Variants in LIN7A observed in about 807,000 individuals in gnomAD.
LIN7A encodes lin-7 cell polarity scaffold A.
In LIN7A, 25 loss-of-function variants were observed where a neutral mutation model predicts 29.8. That is an observed-to-expected ratio of 0.84 (90% CI 0.61 to 1.17). The LOEUF is 1.17. Ranked by LOEUF, LIN7A falls within the 50% of genes most tolerant of loss-of-function variation. The pLI, the probability that LIN7A is intolerant of heterozygous loss-of-function variation, is 0.00. For synonymous variants in LIN7A, 118 were observed against 107.5 expected (o/e 1.10, Z -0.60); for missense variants, 239 against 287.0 (o/e 0.83, Z 1.21).
At chr12:80,871,407 T>C (rs1055871244) in intron 2 of LIN7A, among the ~76,000 whole-genome samples, 1 of 152,170 alleles carries the variant, frequency 6.6e-6, no homozygotes, top group Non-Finnish European at 1.5e-5. Context: ...ATTTCTCTAT[T>C]AGGAAAGCAA....
chr12:80,882,930 A>G (rs1165312015), intron 2 of LIN7A, among the ~76,000 whole-genome samples: 2 of 152,172 alleles, frequency 1.3e-5, no homozygotes, highest in Non-Finnish European at 2.9e-5. Flanking sequence ...AGATTACAAA[A>G]TGATGTGGTC....
At chr12:80,816,763 G>A (rs1189201790) in intron 4 of LIN7A, among the ~76,000 whole-genome samples, 1 of 151,646 alleles carries the variant, frequency 6.6e-6, no homozygotes, top group East Asian at 1.9e-4. Flanking sequence ...ATGAACCAAG[G>A]TTTTCTTTGC....
intron 2 of LIN7A, among the ~76,000 whole-genome samples, chr12:80,883,191 C>T (rs1875155321): frequency 6.6e-6 from 1 of 151,924 alleles, no homozygotes; most frequent in Non-Finnish European, 1.5e-5. Flanking sequence ...CCTCTTTCTC[C>T]TATTATCCTT....
intron 1 of LIN7A, among the ~76,000 whole-genome samples, chr12:80,918,688 T>C (rs1161280873): frequency 6.6e-6 from 1 of 152,230 alleles, no homozygotes. Flanking sequence ...TTGATATTTG[T>C]AATGGAAGAG....
chr12:80,832,477 T>C, intron 4 of LIN7A: 1 of 461,362 alleles, frequency 2.2e-6, no homozygotes, highest in Admixed American at 2.6e-5. Context: ...CTGGTGCTCC[T>C]CCACACAGAA....
At chr12:80,827,155 A>G (rs1872118498) in intron 4 of LIN7A, among the ~76,000 whole-genome samples, 1 of 152,134 alleles carries the variant, frequency 6.6e-6, no homozygotes, top group Admixed American at 6.6e-5. Context: ...TGAGAGGCCA[A>G]GGTGAGCAGA....
intron 1 of LIN7A, among the ~76,000 whole-genome samples, chr12:80,899,917 G>A (rs1191206034): frequency 1.3e-5 from 2 of 151,480 alleles, no homozygotes; most frequent in Admixed American, 1.3e-4. Flanking sequence ...ACAGGCGCCC[G>A]CCACAATGCC....
At position 80,796,846 on chromosome 12, in the gene LIN7A, A is replaced by T. The variant is rs1166292186; in HGVS notation, c.*881T>A. On this transcript the variant is annotated 3_prime_UTR_variant, in exon 6 of 6. Coordinates refer to ENST00000552864, the MANE Select transcript of LIN7A (RefSeq NM_004664.4). ...CTCAAAAAATATTGAGAGTGGGTTT[A>T]TGTATATAACATACGAGAATCTGTT... The T allele has an allele frequency of 6.6e-6, 1 of 152,176 alleles. No individual in the cohort carries two copies. The highest frequency in any genetic ancestry group is 1.5e-5 in the Non-Finnish European group (1 of 68,012). The allele number at this position is 152,176 out of a possible 1,614,324, so 9.4% of individuals were successfully genotyped here. A position where few individuals can be genotyped will look rare whatever the true frequency, so the allele number is the denominator to read the frequency against.
intron 4 of LIN7A, among the ~76,000 whole-genome samples, chr12:80,825,129 A>T (rs912254281): frequency 7.2e-5 from 11 of 152,244 alleles, no homozygotes; most frequent in South Asian, 2.1e-4. Context: ...TTCTTTATAA[A>T]TTTTTTTTAA....
At chr12:80,913,996 A>C (rs1029953220) in intron 1 of LIN7A, among the ~76,000 whole-genome samples, 7 of 152,184 alleles carry the variant, frequency 4.6e-5, no homozygotes, top group African/African-American at 1.7e-4. Flanking sequence ...CACATCTTAA[A>C]GCTCATTAAG....
intron 4 of LIN7A, among the ~76,000 whole-genome samples, chr12:80,841,270 G>A (rs12423879): frequency 0.097 from 14,655 of 151,074 alleles, 773 homozygotes; most frequent in East Asian, 0.19. Context: ...CAGCCTGGGC[G>A]ACAGAGTGAG....
intron 4 of LIN7A, among the ~76,000 whole-genome samples, chr12:80,830,157 C>T (rs1872275028): frequency 6.6e-6 from 1 of 152,168 alleles, no homozygotes; most frequent in South Asian, 2.1e-4. Flanking sequence ...TTCCTCACTG[C>T]CTCCGTTCAC....
intron 4 of LIN7A, among the ~76,000 whole-genome samples, chr12:80,837,658 C>A (rs967736203): frequency 6.6e-6 from 1 of 152,094 alleles, no homozygotes; most frequent in Admixed American, 6.5e-5. Context: ...GTTTAAAAAC[C>A]ACCGTGTGTG....
chr12:80,922,589 G>C lies in LIN7A; in HGVS notation c.82+15052C>G, dbSNP rs560817752. ...TGGGAAGAAGGATCAAAATATGCTG[G>C]TACTTTCTTATAATTTAATCTGAGA... On this transcript the variant is annotated intron_variant, in intron 1 of 5. Transcript: ENST00000552864. 2.4e-4 allele frequency among the ~76,000 whole-genome samples: 37 copies of C among 152,206 alleles called. 2 individuals carry two copies. In the South Asian group the frequency reaches 7.3e-3, roughly 30 times the overall value.
At chr12:80,825,497 C>T (rs1872019292) in intron 4 of LIN7A, among the ~76,000 whole-genome samples, 1 of 152,194 alleles carries the variant, frequency 6.6e-6, no homozygotes, top group African/African-American at 2.4e-5. Context: ...AGTAACAAGG[C>T]CCACACTTCA....
intron 4 of LIN7A, among the ~76,000 whole-genome samples, chr12:80,838,666 C>G (rs1872684190): frequency 6.6e-6 from 1 of 152,216 alleles, no homozygotes; most frequent in South Asian, 2.1e-4. Context: ...CAGTCCCCCA[C>G]TCAGCTTCTG....
At chr12:80,913,343 G>A (rs994528370) in intron 1 of LIN7A, among the ~76,000 whole-genome samples, 1 of 152,164 alleles carries the variant, frequency 6.6e-6, no homozygotes, top group African/African-American at 2.4e-5. Context: ...CAGCCTTTTA[G>A]CCATTCTATA....
chr12:80,917,693 A>G (rs1446536328), intron 1 of LIN7A, among the ~76,000 whole-genome samples: 1 of 152,046 alleles, frequency 6.6e-6, no homozygotes, highest in Non-Finnish European at 1.5e-5. Flanking sequence ...ATTCTTTCAC[A>G]ATACATACTT....
chr12:80,934,038 C>T (rs1878069266), intron 1 of LIN7A, among the ~76,000 whole-genome samples: 1 of 151,944 alleles, frequency 6.6e-6, no homozygotes, highest in African/African-American at 2.4e-5. Flanking sequence ...TTAATTAAGC[C>T]CTTACTTATC....
Sources: allele counts gnomAD v4.1 joint callset (sites outside exome capture counted in the v4.1 genomes callset), GRCh38; gene constraint gnomAD v4.1.1; transcripts MANE v1.5; gene names NCBI Gene and HGNC (gene_info 2026-07-23, HGNC 2026-07-21).